The following TACR3 variants were observed in gnomAD, a reference collection of about 807,000 sequenced individuals.
TACR3 encodes tachykinin receptor 3.
Under a neutral mutation model 35.0 loss-of-function variants are expected in TACR3, and 34 were observed. The ratio of observed to expected loss-of-function variants is 0.97; its 90% confidence interval spans 0.74 to 1.30. The LOEUF (loss-of-function observed/expected upper bound fraction) is 1.30, where lower values mean the gene tolerates loss of function less well. Among genes scored for constraint, TACR3 ranks in the 50% most tolerant of loss-of-function variants. The probability of loss-of-function intolerance (pLI) is 0.00; values close to 1 mark genes in which losing one functional copy is unlikely to be tolerated. For synonymous variants in TACR3, 233 were observed against 221.1 expected (o/e 1.05, Z -0.48); for missense variants, 558 against 591.7 (o/e 0.94, Z 0.59).
At chr4:103,648,335 G>T (rs1725503651) in intron 3 of TACR3, among the ~76,000 whole-genome samples, 2 of 151,884 alleles carry the variant, frequency 1.3e-5, no homozygotes, top group Admixed American at 1.3e-4. Context: ...TTAAATTATT[G>T]TTGACGGTAG....
chr4:103,694,360 G>GTA (rs1472972491), intron 1 of TACR3, among the ~76,000 whole-genome samples: 1 of 144,214 alleles, frequency 6.9e-6, no homozygotes, highest in African/African-American at 2.9e-5. Context: ...TTACTTCATG[G>GTA]TAGTTAGTCA....
intron 1 of TACR3, among the ~76,000 whole-genome samples, chr4:103,663,554 T>C (rs1725878921): frequency 6.6e-6 from 1 of 152,256 alleles, no homozygotes; most frequent in Admixed American, 6.5e-5. Context: ...ATCTAACTTA[T>C]GTTCTGATTT....
At chr4:103,666,159 A>C (rs1725931662) in intron 1 of TACR3, among the ~76,000 whole-genome samples, 1 of 152,212 alleles carries the variant, frequency 6.6e-6, no homozygotes, top group South Asian at 2.1e-4. Flanking sequence ...TGATATTATA[A>C]AGCTATGTAC....
In TACR3 at chr4:103,689,529, A is replaced by G. The variant is rs566675687; in HGVS notation, c.548+29599T>C. On this transcript the variant is annotated intron_variant, in intron 1 of 4. Coordinates refer to ENST00000304883, the MANE Select transcript of TACR3 (RefSeq NM_001059.3). ...CTTGGAAATTCTGCAACTGAAAAGT[A>G]TAACAACAACAACAACAACAACAAT... Among the ~76,000 whole-genome samples the G allele has an allele frequency of 2.3e-4, 34 of 147,264 alleles. No individual in the cohort carries two copies. In the South Asian group the frequency reaches 4.9e-3, roughly 21 times the overall value.
chr4:103,606,308 G>T (rs1022869247), intron 3 of TACR3, among the ~76,000 whole-genome samples: 6 of 152,082 alleles, frequency 3.9e-5, no homozygotes, highest in South Asian at 2.1e-4. Context: ...GGCGATGCGG[G>T]CTCTTTTTTG....
In TACR3 at chr4:103,589,815, C is replaced by A. The variant is rs1723853593; in HGVS notation, c.1265G>T (p.Arg422Met). ...VFDPNDADTT[R>M]SSRKKRATPR... is the part of the protein sequence containing the mutation. ...CGTTGCTCTTTTCTTCCGACTGGAC[C>A]TGGTGGTGTCTGCATCGTTGGGGTC... Residue 422 changes from arginine to methionine, a missense_variant, in exon 5 of 5, where the codon AGG becomes ATG. Arg to Met is a moderately conservative substitution (Grantham distance 91). Coordinates refer to ENST00000304883, the MANE Select transcript of TACR3 (RefSeq NM_001059.3). The A allele has an allele frequency of 1.9e-6, 3 of 1,613,934 alleles. No homozygotes were observed. The South Asian group carries it at 3.3e-5, about 18-fold the overall frequency.
chr4:103,690,199 G>T (rs1722370323), intron 1 of TACR3, among the ~76,000 whole-genome samples: 1 of 152,098 alleles, frequency 6.6e-6, no homozygotes, highest in Non-Finnish European at 1.5e-5. Context: ...CAGGCAGAAA[G>T]AAAGCAACAT....
At chr4:103,648,555 C>T (rs1200774119) in intron 3 of TACR3, among the ~76,000 whole-genome samples, 2 of 152,058 alleles carry the variant, frequency 1.3e-5, no homozygotes, top group African/African-American at 4.8e-5. Flanking sequence ...CTTTCTGTGC[C>T]TGGCTTATTT....
intron 1 of TACR3, among the ~76,000 whole-genome samples, chr4:103,660,819 A>C (rs1388325469): frequency 6.6e-6 from 1 of 151,952 alleles, no homozygotes; most frequent in Non-Finnish European, 1.5e-5. Context: ...TTAAAATTCA[A>C]CTCTCATGGT....
At chr4:103,632,434 A>G (rs1050749690) in intron 3 of TACR3, among the ~76,000 whole-genome samples, 3 of 152,090 alleles carry the variant, frequency 2.0e-5, no homozygotes, top group African/African-American at 7.2e-5. Flanking sequence ...TAACACAGGA[A>G]CAGAAAATCA....
intron 1 of TACR3, among the ~76,000 whole-genome samples, chr4:103,679,041 C>T (rs1171933990): frequency 6.6e-6 from 1 of 151,882 alleles, no homozygotes; most frequent in Non-Finnish European, 1.5e-5. Flanking sequence ...TATTAATTTT[C>T]TGTATGGTGG....
intron 1 of TACR3, among the ~76,000 whole-genome samples, chr4:103,666,760 A>G (rs1725945752): frequency 6.6e-6 from 1 of 152,196 alleles, no homozygotes; most frequent in African/African-American, 2.4e-5. Flanking sequence ...TGCTACTTAT[A>G]CTATCTCTGT....
chr4:103,671,703 C>A (rs944597658), intron 1 of TACR3, among the ~76,000 whole-genome samples: 1 of 151,820 alleles, frequency 6.6e-6, no homozygotes, highest in South Asian at 2.1e-4. Context: ...AAAGATTTGT[C>A]AAGTTTGGTT....
chr4:103,670,024 T>G (rs1726022509), intron 1 of TACR3, among the ~76,000 whole-genome samples: 1 of 152,104 alleles, frequency 6.6e-6, no homozygotes, highest in African/African-American at 2.4e-5. Context: ...AGTTTCATTC[T>G]TCTCCATAAT....
At chr4:103,653,726 A>T (rs1274807858) in intron 3 of TACR3, among the ~76,000 whole-genome samples, 4 of 152,034 alleles carry the variant, frequency 2.6e-5, no homozygotes, top group Non-Finnish European at 4.4e-5. Flanking sequence ...GAGCTTCTGC[A>T]CAGCAAAAGA....
At chr4:103,698,403 A>ATGAGCTATTT (rs199809148) in intron 1 of TACR3, among the ~76,000 whole-genome samples, 4,138 of 152,196 alleles carry the variant, frequency 0.027, 207 homozygotes, top group African/African-American at 0.095. Flanking sequence ...GCTCATTTGA[A>ATGAGCTATTT]AAGTCTCAAA....
At chr4:103,677,823 G>A (rs1368364603) in intron 1 of TACR3, among the ~76,000 whole-genome samples, 1 of 151,538 alleles carries the variant, frequency 6.6e-6, no homozygotes, top group Non-Finnish European at 1.5e-5. Context: ...GTTTACCTAT[G>A]TAACAAACCT....
At chr4:103,633,879 CT>C (rs556774559) in intron 3 of TACR3, among the ~76,000 whole-genome samples, 47 of 152,000 alleles carry the variant, frequency 3.1e-4, no homozygotes, top group African/African-American at 9.2e-4. Context: ...TTAGTTAGTT[CT>C]TTTTTTAAAA....
intron 3 of TACR3, among the ~76,000 whole-genome samples, chr4:103,649,413 A>G (rs1170938391): frequency 6.6e-6 from 1 of 152,018 alleles, no homozygotes; most frequent in Non-Finnish European, 1.5e-5. Context: ...GTAGTTTCAT[A>G]GTTTCAGGTC....
Sources: gnomAD v4.1 joint callset for allele counts (sites outside exome capture counted in the v4.1 genomes callset) on GRCh38, gnomAD v4.1.1 for gene constraint, MANE v1.5 for transcripts, NCBI Gene and HGNC (gene_info 2026-07-23, HGNC 2026-07-21) for gene names.